SLA: variants seen among roughly 807,000 people sequenced by gnomAD.
SLA encodes the protein src-like-adapter.
SLA carries 16 observed loss-of-function variants against 30.3 expected under a neutral mutation model. The observed-to-expected ratio is 0.53, with a 90% CI of 0.36 to 0.80. The LOEUF is 0.80. Ranked by LOEUF, SLA falls within the 30% of genes least tolerant of loss-of-function variation. The pLI, the probability that SLA is intolerant of heterozygous loss-of-function variation, is 0.01. For synonymous variants in SLA, 143 were observed against 137.8 expected, an observed-to-expected ratio of 1.04 and a Z score of -0.26; for missense variants, 310 against 345.2, an observed-to-expected ratio of 0.90 and a Z score of 0.81.
chr8:133,062,348 C>A (rs575731516), intron 2 of SLA, among the ~76,000 whole-genome samples: 35 of 152,368 alleles, frequency 2.3e-4, no homozygotes, highest in Middle Eastern at 3.4e-3. Context: ...GGCCTTGTCT[C>A]CATTCCTGAG....
rs866084776 is a variant in SLA, at chr8:133,040,111, G to A, written c.504C>T (p.Cys168=). 3.8e-6 allele frequency: 6 copies of A among 1,575,594 alleles called. No homozygotes were observed. The highest frequency in any genetic ancestry group is 2.3e-5 in the East Asian group (1 of 43,060). ...NHYSEVADGL[C]CVLTTPCLTQ... Reference sequence around the variant, plus strand: ...TCAGGCAGGGCGTGGTGAGCACACAGCACAGGCCATCAGCCACCTCTGAGG... The same window carrying A: ...TCAGGCAGGGCGTGGTGAGCACACAACACAGGCCATCAGCCACCTCTGAGG... Residue 168 remains cysteine (C), a synonymous_variant, in exon 8 of 9, where the codon TGC becomes TGT. Coordinates refer to ENST00000338087, the MANE Select transcript of SLA (RefSeq NM_001045556.3).
At chr8:133,050,636 G>A (rs1411484005) in intron 4 of SLA, 180 bp downstream of exon 4, 3 of 546,746 alleles carry the variant, frequency 5.5e-6, no homozygotes, top group East Asian at 6.1e-5. Flanking sequence ...AGCTATGGAA[G>A]GTTCTAGAGC....
At chr8:133,041,942 C>T (rs1384915352) in intron 7 of SLA, among the ~76,000 whole-genome samples, 4 of 151,958 alleles carry the variant, frequency 2.6e-5, no homozygotes, top group African/African-American at 9.7e-5. Flanking sequence ...TGCATGCCAC[C>T]ACACCTGGCT....
chr8:133,089,435 A>G lies in SLA; in HGVS notation c.-319+13118T>C, dbSNP rs1282068607. Among the ~76,000 whole-genome samples the G allele has an allele frequency of 2.0e-5, 3 of 152,288 alleles. No individual in the cohort carries two copies. In the East Asian group the frequency reaches 5.8e-4, roughly 29 times the overall value. ...AAAGACAAAGGACCCAGTGACAGGA[A>G]ATTCCCAAGCCCTTTCTGTAATACC... is the stretch of plus-strand genomic sequence containing the variant. On this transcript the variant is annotated intron_variant, in intron 1 of 8. Transcript: ENST00000338087.
intron 2 of SLA, among the ~76,000 whole-genome samples, chr8:133,066,014 A>G (rs1842985356): frequency 6.6e-6 from 1 of 152,092 alleles, no homozygotes; most frequent in Non-Finnish European, 1.5e-5. Flanking sequence ...TGTGGTCAAA[A>G]GGGCAGGAGT....
In SLA at chr8:133,084,835, C is replaced by T. The variant is rs548538860; in HGVS notation, c.-318-9705G>A. Among the ~76,000 whole-genome samples, 14 of 152,320 alleles carry T rather than the reference C, an allele frequency of 9.2e-5. No individual in the cohort carries two copies. In the South Asian group the frequency reaches 2.1e-3, roughly 23 times the overall value. On this transcript the variant is annotated intron_variant, in intron 1 of 8. Transcript: ENST00000338087. ...TCTACAGCTAGACCACATGGACTGC[C>T]GTGCCTGTCAAAGATGTCTGCAGAA... is the stretch of plus-strand genomic sequence containing the variant.
chr8:133,053,306 G>A (rs1403314006), intron 3 of SLA, among the ~76,000 whole-genome samples: 5 of 152,154 alleles, frequency 3.3e-5, no homozygotes, highest in East Asian at 3.8e-4. Flanking sequence ...CCCCACCCCC[G>A]GCTGTGAGTT....
chr8:133,077,855 A>G (rs919791620), intron 1 of SLA, among the ~76,000 whole-genome samples: 9 of 151,874 alleles, frequency 5.9e-5, no homozygotes, highest in Non-Finnish European at 1.2e-4. Flanking sequence ...CCCCCTAGAC[A>G]GCAGGAGCCC....
chr8:133,060,716 A>G (rs929863199), intron 2 of SLA, among the ~76,000 whole-genome samples: 3 of 152,328 alleles, frequency 2.0e-5, no homozygotes, highest in Non-Finnish European at 4.4e-5. Flanking sequence ...AAAACTTCAT[A>G]ACAACTCTGT....
chr8:133,060,071 A>C, intron 3 of SLA, 29 bp downstream of exon 3: 3 of 1,559,346 alleles, frequency 1.9e-6, no homozygotes, highest in Non-Finnish European at 1.7e-6. Flanking sequence ...GCACAGACTC[A>C]AGCATCTCAC....
At chr8:133,049,641 C>T in intron 5 of SLA, 1 of 465,908 alleles carries the variant, frequency 2.1e-6, no homozygotes, top group Non-Finnish European at 4.0e-6. Context: ...CTGTTTACCA[C>T]TCTGTGCCAG....
chr8:133,069,815 A>G (rs1296903829), intron 2 of SLA, among the ~76,000 whole-genome samples: 1 of 152,054 alleles, frequency 6.6e-6, no homozygotes. Flanking sequence ...AGCCCGGCCA[A>G]CATGGCAAAA....
intron 5 of SLA, chr8:133,049,052 G>C: frequency 7.1e-6 from 3 of 423,194 alleles, no homozygotes; most frequent in Non-Finnish European, 1.4e-5. Flanking sequence ...TGACAGATGA[G>C]GATAATGTAA....
At chr8:133,078,743 C>T (rs1028132453) in intron 1 of SLA, among the ~76,000 whole-genome samples, 6 of 152,254 alleles carry the variant, frequency 3.9e-5, no homozygotes, top group Middle Eastern at 3.4e-3. Flanking sequence ...ATGTTCATTA[C>T]GTATTTGCTG....
At chr8:133,085,156 A>G (rs181248685) in intron 1 of SLA, among the ~76,000 whole-genome samples, 188 of 152,318 alleles carry the variant, frequency 1.2e-3, no homozygotes, top group African/African-American at 2.1e-3. Context: ...TAAGCTTGCA[A>G]GTATAAAAAT....
rs1212365266 is a variant in SLA at position 133,037,169 on chromosome 8, G to T, written c.*1355C>A. The T allele has an allele frequency of 6.6e-6, 1 of 152,162 alleles. No homozygotes were observed. Among genetic ancestry groups the T allele is most frequent in the African/African-American group, 2.4e-5 (1 of 41,422 alleles). 9.4% of individuals were successfully genotyped at this position (152,162 alleles called of 1,614,324 possible). ...CAAGCATGTTCCCCTCCTTCCCCAGGATCCCTTTGAAACAGGGAAACATGA... is the reference window on the plus strand; with the variant it reads ...CAAGCATGTTCCCCTCCTTCCCCAGTATCCCTTTGAAACAGGGAAACATGA... On this transcript the variant is annotated 3_prime_UTR_variant, in exon 9 of 9. Coordinates refer to ENST00000338087, the MANE Select transcript of SLA (RefSeq NM_001045556.3).
intron 2 of SLA, among the ~76,000 whole-genome samples, chr8:133,060,974 C>T (rs1334904816): frequency 6.6e-6 from 1 of 152,212 alleles, no homozygotes; most frequent in Non-Finnish European, 1.5e-5. Flanking sequence ...TGGCTGTGTA[C>T]TTACAAGCTA....
chr8:133,040,358 G>C, intron 7 of SLA: 1 of 531,976 alleles, frequency 1.9e-6, no homozygotes, highest in Non-Finnish European at 3.4e-6. Flanking sequence ...CCAGGCATGG[G>C]CAGAGAGAGA....
At chr8:133,052,792 G>A (rs1409049670) in intron 3 of SLA, among the ~76,000 whole-genome samples, 1 of 152,224 alleles carries the variant, frequency 6.6e-6, no homozygotes, top group Non-Finnish European at 1.5e-5. Flanking sequence ...TACCAGCAAG[G>A]GGGTCTCAGG....
Sources: gnomAD v4.1 joint callset for allele counts (sites outside exome capture counted in the v4.1 genomes callset) on GRCh38, gnomAD v4.1.1 for gene constraint, MANE v1.5 for transcripts, NCBI Gene and HGNC (gene_info 2026-07-23, HGNC 2026-07-21) for gene names.